Variants in SKP2 observed in about 807,000 individuals in gnomAD.
SKP2 encodes S-phase kinase-associated protein 2.
In SKP2, 16 loss-of-function variants were observed where a neutral mutation model predicts 51.8. That is an observed-to-expected ratio of 0.31 (90% CI 0.21 to 0.47). The LOEUF (loss-of-function observed/expected upper bound fraction) is 0.47. SKP2 is among the 20% of genes least tolerant of loss of function. The pLI is 1.00. For missense variants in SKP2, 377 were observed against 505.3 expected (o/e 0.75, Z 2.43); for synonymous variants, 176 against 198.6 (o/e 0.89, Z 0.96).
chr5:36,153,281 C>T (rs1005627569), intron 2 of SKP2, among the ~76,000 whole-genome samples: 3 of 150,016 alleles, frequency 2.0e-5, no homozygotes, highest in African/African-American at 7.4e-5. Flanking sequence ...AAATTTTAAC[C>T]CATGAGAAGA....
chr5:36,153,834 C>T (rs1744849023), intron 2 of SKP2, among the ~76,000 whole-genome samples: 1 of 152,130 alleles, frequency 6.6e-6, no homozygotes, highest in African/African-American at 2.4e-5. Context: ...AGCAGGCGAA[C>T]GAGTGCCTCC....
chr5:36,176,870 C>G, intron 7 of SKP2, 95 bp from the exon 8 acceptor site: 1 of 777,762 alleles, frequency 1.3e-6, no homozygotes, highest in South Asian at 1.7e-5. Context: ...TTGCCCTGAA[C>G]TTCCAGCATG....
chr5:36,180,308 G>A (rs1168448517), intron 9 of SKP2: 3 of 1,256,644 alleles, frequency 2.4e-6, no homozygotes, highest in South Asian at 2.3e-5. Flanking sequence ...TTAAGTATAA[G>A]TATCTGTGTA....
intron 4 of SKP2, 85 bp downstream of exon 4, chr5:36,166,747 T>A (rs1310794486): frequency 8.1e-7 from 1 of 1,232,906 alleles, no homozygotes; most frequent in Non-Finnish European, 1.2e-6. Context: ...TTTTCTTTCT[T>A]CAGCCTTAAA....
At chr5:36,190,798 C>A (rs1481795384) in intron 6 of SKP2, among the ~76,000 whole-genome samples, 3 of 151,308 alleles carry the variant, frequency 2.0e-5, no homozygotes, top group African/African-American at 7.3e-5. Context: ...CCCTCCAATA[C>A]AGATAATTTT....
intron 1 of SKP2, 97 bp downstream of exon 1, chr5:36,152,367 G>A (rs1744760175): frequency 8.7e-7 from 1 of 1,154,478 alleles, no homozygotes; most frequent in Non-Finnish European, 1.3e-6. Context: ...TGTTAGTAAT[G>A]CTGTTAAGTG....
downstream of SKP2, among the ~76,000 whole-genome samples, chr5:36,185,115 T>C (rs249272): frequency 0.37 from 55,857 of 152,012 alleles, 10,460 homozygotes; most frequent in South Asian, 0.5. Context: ...GGGTGGTTTT[T>C]TTCTTGTAAA....
In SKP2 at chr5:36,182,172, G is replaced by C. The variant is rs1745832631; in HGVS notation, c.*141G>C. On this transcript the variant is annotated 3_prime_UTR_variant, in exon 10 of 10. Coordinates refer to ENST00000274255, the MANE Select transcript of SKP2 (RefSeq NM_005983.4). The stretch of plus-strand genomic sequence containing the variant: ...AAGTATACTAGGGAGCCATTTGAGA[G>C]GGAAAACTATGAAATCTTGCTTTTT... 1 of 1,427,096 alleles carries C rather than the reference G, an allele frequency of 7.0e-7. No individual in the cohort carries two copies. Among genetic ancestry groups the C allele is most frequent in the Admixed American group, 2.9e-5 (1 of 35,074 alleles). 88.4% of individuals were successfully genotyped at this position (1,427,096 alleles called of 1,614,324 possible). A position where few individuals can be genotyped will look rare whatever the true frequency, so the allele number is the denominator to read the frequency against.
At chr5:36,158,548 T>TC (rs1206055206) in intron 2 of SKP2, among the ~76,000 whole-genome samples, 5 of 152,204 alleles carry the variant, frequency 3.3e-5, no homozygotes, top group Non-Finnish European at 5.9e-5. Context: ...CCTTGCTCCT[T>TC]CCATTTGGTG....
chr5:36,163,900 A>AAGC (rs1745204831), intron 3 of SKP2, 144 bp downstream of exon 3: 2 of 616,784 alleles, frequency 3.2e-6, no homozygotes, highest in Admixed American at 5.7e-5. Flanking sequence ...TTTATTAATC[A>AAGC]GTGTCCTCAT....
At chr5:36,159,088 G>A (rs1476468361) in intron 2 of SKP2, among the ~76,000 whole-genome samples, 1 of 152,220 alleles carries the variant, frequency 6.6e-6, no homozygotes, top group African/African-American at 2.4e-5. Context: ...GGTAATGGAT[G>A]TGCAAATCTG....
At chr5:36,167,233 C>G (rs1745315649) in intron 4 of SKP2, among the ~76,000 whole-genome samples, 1 of 152,230 alleles carries the variant, frequency 6.6e-6, no homozygotes, top group Non-Finnish European at 1.5e-5. Context: ...AACAGAAAAA[C>G]AAGCTGAAGA....
chr5:36,170,019 G>A (rs1745417153), intron 5 of SKP2, among the ~76,000 whole-genome samples: 1 of 152,158 alleles, frequency 6.6e-6, no homozygotes, highest in Admixed American at 6.5e-5. Context: ...GGGTGAAATG[G>A]ATATATGTTT....
chr5:36,158,965 G>C (rs1053963670), intron 2 of SKP2, among the ~76,000 whole-genome samples: 9 of 152,138 alleles, frequency 5.9e-5, no homozygotes, highest in African/African-American at 2.2e-4. Flanking sequence ...GGTTAATAAG[G>C]GTTAGCCATT....
At chr5:36,160,878 TG>T (rs1745101139) in intron 2 of SKP2, among the ~76,000 whole-genome samples, 1 of 152,100 alleles carries the variant, frequency 6.6e-6, no homozygotes, top group Admixed American at 6.5e-5. Flanking sequence ...TCAGCAGGGG[TG>T]ATCTGCCTTC....
At chr5:36,180,642 C>T (rs1745776857) in intron 9 of SKP2, among the ~76,000 whole-genome samples, 2 of 152,070 alleles carry the variant, frequency 1.3e-5, no homozygotes, top group African/African-American at 4.8e-5. Flanking sequence ...AGCCTGGGTT[C>T]TGTAAACACA....
chr5:36,161,223 A>G (rs1268074233), intron 2 of SKP2, among the ~76,000 whole-genome samples: 1 of 151,554 alleles, frequency 6.6e-6, no homozygotes, highest in African/African-American at 2.4e-5. Flanking sequence ...TGTATAGTAC[A>G]TATTTTATAA....
intron 1 of SKP2, among the ~76,000 whole-genome samples, chr5:36,152,534 T>TC (rs1300273753): frequency 6.6e-6 from 1 of 152,166 alleles, no homozygotes; most frequent in East Asian, 1.9e-4. Context: ...GTCTGTTCCC[T>TC]CCACTGGGAG....
intron 4 of SKP2, among the ~76,000 whole-genome samples, chr5:36,167,867 C>T (rs1745338615): frequency 6.6e-6 from 1 of 152,200 alleles, no homozygotes; most frequent in Non-Finnish European, 1.5e-5. Context: ...ATCCACTGGA[C>T]TCAGCCTTTC....
Sources: gnomAD v4.1 joint callset for allele counts (sites outside exome capture counted in the v4.1 genomes callset) on GRCh38, gnomAD v4.1.1 for gene constraint, MANE v1.5 for transcripts, NCBI Gene and HGNC (gene_info 2026-07-23, HGNC 2026-07-21) for gene names.